Variants in IL15 observed in about 807,000 individuals in gnomAD.
The protein encoded by IL15 is interleukin-15.
Under a neutral mutation model 19.6 loss-of-function variants are expected in IL15, and 11 were observed. The observed-to-expected ratio is 0.56, with a 90% CI of 0.35 to 0.93. The LOEUF (loss-of-function observed/expected upper bound fraction) is 0.93, where lower values mean the gene tolerates loss of function less well. Ranked by LOEUF, IL15 falls within the 40% of genes least tolerant of loss-of-function variation. The probability of loss-of-function intolerance (pLI) is 0.01; values close to 1 mark genes in which losing one functional copy is unlikely to be tolerated. For missense variants in IL15, 197 were observed against 186.5 expected (o/e 1.06, Z -0.33); for synonymous variants, 58 against 59.6 (o/e 0.97, Z 0.12).
At chr4:141,667,125 C>T (rs796981710) in intron 2 of IL15, among the ~76,000 whole-genome samples, 6 of 152,192 alleles carry the variant, frequency 3.9e-5, no homozygotes, top group African/African-American at 1.4e-4. Flanking sequence ...TGCTCAGGAC[C>T]CTTTAGACCT....
intron 2 of IL15, among the ~76,000 whole-genome samples, chr4:141,713,067 G>A (rs1579044411): frequency 6.6e-6 from 1 of 152,136 alleles, no homozygotes; most frequent in Non-Finnish European, 1.5e-5. Flanking sequence ...AGTAACCCAA[G>A]TTATTATAGT....
intron 2 of IL15, among the ~76,000 whole-genome samples, chr4:141,656,871 A>G (rs545497598): frequency 6.6e-6 from 1 of 152,360 alleles, no homozygotes; most frequent in East Asian, 1.9e-4. Flanking sequence ...AATGTAGATT[A>G]GATTTTTTAA....
chr4:141,659,107 C>A (rs950766487), intron 2 of IL15, among the ~76,000 whole-genome samples: 1 of 152,062 alleles, frequency 6.6e-6, no homozygotes, highest in African/African-American at 2.4e-5. Context: ...CCTCGGCCTC[C>A]CAAAGTGCTG....
chr4:141,702,626 T>C (rs1729359835), intron 2 of IL15, among the ~76,000 whole-genome samples: 1 of 152,206 alleles, frequency 6.6e-6, no homozygotes, highest in Non-Finnish European at 1.5e-5. Context: ...CACAGCTGTT[T>C]TCTCCTTCCT....
chr4:141,659,433 C>G (rs1340949495), intron 2 of IL15, among the ~76,000 whole-genome samples: 3 of 152,082 alleles, frequency 2.0e-5, no homozygotes. Flanking sequence ...GAACTCCTGA[C>G]CTTGTGATTT....
At chr4:141,652,265 A>G (rs1222085106) in intron 1 of IL15, among the ~76,000 whole-genome samples, 1 of 152,286 alleles carries the variant, frequency 6.6e-6, no homozygotes, top group Non-Finnish European at 1.5e-5. Flanking sequence ...TATTGTGAGG[A>G]CAGGATCTCT....
intron 2 of IL15, among the ~76,000 whole-genome samples, chr4:141,710,626 C>T (rs1729685662): frequency 6.6e-6 from 1 of 152,066 alleles, no homozygotes; most frequent in Non-Finnish European, 1.5e-5. Context: ...ACTACTGCCA[C>T]ATTGTTTTTT....
At chr4:141,643,315 T>C (rs567949045) in intron 1 of IL15, among the ~76,000 whole-genome samples, 1 of 152,278 alleles carries the variant, frequency 6.6e-6, no homozygotes, top group South Asian at 2.1e-4. Context: ...ATGTTTCTGC[T>C]CACTTCTATA....
chr4:141,662,865 G>A (rs1203595721), intron 2 of IL15, among the ~76,000 whole-genome samples: 1 of 151,922 alleles, frequency 6.6e-6, no homozygotes, highest in African/African-American at 2.4e-5. Context: ...CCTTAAAGAA[G>A]AATAAAAACT....
intron 2 of IL15, among the ~76,000 whole-genome samples, chr4:141,688,212 T>A (rs1728771358): frequency 6.6e-6 from 1 of 152,156 alleles, no homozygotes; most frequent in South Asian, 2.1e-4. Flanking sequence ...TTCTCCACCC[T>A]CTGACCAATT....
At chr4:141,702,770 G>C (rs1474110648) in intron 2 of IL15, among the ~76,000 whole-genome samples, 1 of 152,204 alleles carries the variant, frequency 6.6e-6, no homozygotes, top group African/African-American at 2.4e-5. Context: ...AAGTTGCCCA[G>C]GGGAATTATT....
chr4:141,666,132 G>T (rs1727975179), intron 2 of IL15, among the ~76,000 whole-genome samples: 1 of 95,272 alleles, frequency 1.0e-5, no homozygotes, highest in Non-Finnish European at 2.0e-5. Context: ...ACGGAGTCTC[G>T]CTCTGTCGCC....
intron 1 of IL15, among the ~76,000 whole-genome samples, chr4:141,637,578 A>T (rs1251859715): frequency 1.3e-5 from 2 of 152,182 alleles, no homozygotes; most frequent in Admixed American, 1.3e-4. Context: ...AAGTGTTATT[A>T]AGACCGCATG....
intron 2 of IL15, among the ~76,000 whole-genome samples, chr4:141,657,048 C>T (rs112824230): frequency 0.023 from 3,487 of 152,210 alleles, 137 homozygotes; most frequent in African/African-American, 0.079. Context: ...CTGACACAAA[C>T]TGAGATGGTA....
chr4:141,662,507 G>A (rs1727827311), intron 2 of IL15, among the ~76,000 whole-genome samples: 1 of 152,026 alleles, frequency 6.6e-6, no homozygotes, highest in South Asian at 2.1e-4. Flanking sequence ...ATTTAATATT[G>A]CATGATATAT....
intron 2 of IL15, among the ~76,000 whole-genome samples, chr4:141,673,081 T>C (rs1417573470): frequency 6.6e-6 from 1 of 152,236 alleles, no homozygotes; most frequent in African/African-American, 2.4e-5. Flanking sequence ...ACTTTGACCA[T>C]GTTTATACCT....
At chr4:141,702,846 A>G (rs1183804432) in intron 2 of IL15, among the ~76,000 whole-genome samples, 4 of 152,176 alleles carry the variant, frequency 2.6e-5, no homozygotes, top group African/African-American at 4.8e-5. Flanking sequence ...GTGTTCATCT[A>G]CTAGGATGAG....
chr4:141,710,665 T>C (rs1287595513), intron 2 of IL15, among the ~76,000 whole-genome samples: 1 of 152,132 alleles, frequency 6.6e-6, no homozygotes, highest in East Asian at 1.9e-4. Context: ...CTTTCTTTTT[T>C]TTCTTCTCTC....
chr4:141,729,314 C>A (rs1730373256), intron 6 of IL15, among the ~76,000 whole-genome samples: 1 of 152,052 alleles, frequency 6.6e-6, no homozygotes, highest in Admixed American at 6.6e-5. Flanking sequence ...TTTGTGGCAC[C>A]TAAGAGAGCC....
Sources: gnomAD v4.1 joint callset for allele counts (sites outside exome capture counted in the v4.1 genomes callset) on GRCh38, gnomAD v4.1.1 for gene constraint, MANE v1.5 for transcripts, NCBI Gene and HGNC (gene_info 2026-07-23, HGNC 2026-07-21) for gene names.